The following SPOCK3 variants were observed in gnomAD, a reference collection of about 807,000 sequenced individuals.
The protein encoded by SPOCK3 is testican-3.
A neutral mutation model predicts 56.6 loss-of-function variants in SPOCK3; 30 were observed. That is an observed-to-expected ratio of 0.53 (90% confidence interval 0.40 to 0.72). The LOEUF (loss-of-function observed/expected upper bound fraction) is 0.72. Among genes scored for constraint, SPOCK3 ranks in the 30% least tolerant of loss-of-function variants. The probability of loss-of-function intolerance (pLI) is 0.00; values close to 1 mark genes in which losing one functional copy is unlikely to be tolerated. For missense variants in SPOCK3, 527 were observed against 530.0 expected (o/e 0.99, Z 0.06); for synonymous variants, 196 against 183.3 (o/e 1.07, Z -0.56).
chr4:166,976,056 T>G (rs1343158776), intron 4 of SPOCK3, among the ~76,000 whole-genome samples: 2 of 151,988 alleles, frequency 1.3e-5, no homozygotes, highest in Admixed American at 1.3e-4. Flanking sequence ...AATCTTGATC[T>G]TAATATGCCC....
chr4:166,840,779 T>G (rs1424247739), intron 6 of SPOCK3, among the ~76,000 whole-genome samples: 1 of 138,140 alleles, frequency 7.2e-6, no homozygotes, highest in African/African-American at 2.8e-5. Context: ...AAGTTTTTTT[T>G]TTTTTTTTTT....
intron 2 of SPOCK3, among the ~76,000 whole-genome samples, chr4:167,114,418 G>A (rs934990543): frequency 1.3e-5 from 2 of 152,140 alleles, no homozygotes; most frequent in Admixed American, 6.6e-5. Flanking sequence ...TTAGGACTGG[G>A]AGATGAAATT....
chr4:166,868,394 G>T (rs182296399), intron 6 of SPOCK3, among the ~76,000 whole-genome samples: 14 of 152,104 alleles, frequency 9.2e-5, no homozygotes, highest in Non-Finnish European at 1.9e-4. Context: ...CAGGAATAGA[G>T]GCTATGGTGA....
intron 3 of SPOCK3, among the ~76,000 whole-genome samples, chr4:167,036,776 CTAGGTTTTTATGGTT>C (rs570712763): frequency 1.8e-4 from 28 of 151,938 alleles, no homozygotes; most frequent in Admixed American, 1.2e-3. Context: ...ATACGACTCT[CTAGGTTTTTATGGTT>C]TATTTTTTTT....
chr4:166,904,919 T>A (rs1434877024), intron 5 of SPOCK3, among the ~76,000 whole-genome samples: 1 of 152,064 alleles, frequency 6.6e-6, no homozygotes, highest in Admixed American at 6.6e-5. Flanking sequence ...ATGTGATAAA[T>A]GCATCAGTTA....
intron 7 of SPOCK3, among the ~76,000 whole-genome samples, chr4:166,787,956 C>T (rs1023606648): frequency 5.3e-5 from 8 of 152,022 alleles, no homozygotes; most frequent in Non-Finnish European, 7.4e-5. Context: ...CTGAGGTGGG[C>T]GGATCACCTG....
chr4:167,030,787 T>C (rs917156536), intron 3 of SPOCK3, among the ~76,000 whole-genome samples: 22 of 152,102 alleles, frequency 1.4e-4, no homozygotes, highest in African/African-American at 4.1e-4. Context: ...CTTACTCATG[T>C]TTTCAAACAG....
chr4:166,841,187 A>G (rs1352117851), intron 6 of SPOCK3, among the ~76,000 whole-genome samples: 1 of 152,116 alleles, frequency 6.6e-6, no homozygotes, highest in African/African-American at 2.4e-5. Context: ...GACCGACATA[A>G]ACACGCTAGA....
chr4:167,001,360 T>G (rs1748936069), intron 3 of SPOCK3, among the ~76,000 whole-genome samples: 2 of 152,202 alleles, frequency 1.3e-5, no homozygotes, highest in African/African-American at 4.8e-5. Flanking sequence ...TTCTGGACAT[T>G]TTATATAAAT....
chr4:166,964,119 T>C (rs1179806054), intron 4 of SPOCK3, among the ~76,000 whole-genome samples: 1 of 151,650 alleles, frequency 6.6e-6, no homozygotes, highest in Non-Finnish European at 1.5e-5. Flanking sequence ...ATATACTAGA[T>C]GATCAATAAA....
chr4:166,883,436 A>G (rs1733875792), intron 6 of SPOCK3, among the ~76,000 whole-genome samples: 1 of 152,228 alleles, frequency 6.6e-6, no homozygotes, highest in Non-Finnish European at 1.5e-5. Context: ...CAAATAATAC[A>G]ATCAGTCTCA....
intron 2 of SPOCK3, among the ~76,000 whole-genome samples, chr4:167,090,514 T>G (rs1436027505): frequency 6.6e-6 from 1 of 152,162 alleles, no homozygotes; most frequent in Non-Finnish European, 1.5e-5. Context: ...ATTTATTTTT[T>G]TTTTTTGAGA....
intron 7 of SPOCK3, among the ~76,000 whole-genome samples, chr4:166,779,766 CA>C (rs918013622): frequency 1.3e-5 from 2 of 151,990 alleles, no homozygotes; most frequent in Non-Finnish European, 1.5e-5. Context: ...TAAAGATATG[CA>C]GGACTTTCCA....
chr4:167,217,479 T>A (rs938824475), intron 2 of SPOCK3, among the ~76,000 whole-genome samples: 1 of 152,080 alleles, frequency 6.6e-6, no homozygotes, highest in Non-Finnish European at 1.5e-5. Flanking sequence ...TATTGGAGAA[T>A]GAGTGTAGGT....
chr4:167,113,656 G>C (rs1247282705), intron 2 of SPOCK3, among the ~76,000 whole-genome samples: 1 of 152,152 alleles, frequency 6.6e-6, no homozygotes, highest in East Asian at 1.9e-4. Context: ...TACATGCCAA[G>C]TTTCAAGCAA....
intron 2 of SPOCK3, among the ~76,000 whole-genome samples, chr4:167,169,532 A>C (rs986071659): frequency 1.3e-5 from 2 of 152,110 alleles, no homozygotes; most frequent in African/African-American, 4.8e-5. Context: ...CAATGCCTAT[A>C]CCTCCATTGT....
At chr4:167,192,774 C>T (rs578117567) in intron 2 of SPOCK3, among the ~76,000 whole-genome samples, 1 of 145,764 alleles carries the variant, frequency 6.9e-6, no homozygotes, top group Admixed American at 7.1e-5. Context: ...TCTGCTGCCT[C>T]CCGTAACTTT....
intron 7 of SPOCK3, among the ~76,000 whole-genome samples, chr4:166,782,193 A>T (rs1740253267): frequency 6.6e-6 from 1 of 152,142 alleles, no homozygotes; most frequent in Non-Finnish European, 1.5e-5. Flanking sequence ...GTACTATCAA[A>T]CATGAGATCT....
intron 4 of SPOCK3, among the ~76,000 whole-genome samples, chr4:166,994,237 A>G (rs1274176761): frequency 6.6e-6 from 1 of 152,186 alleles, no homozygotes; most frequent in African/African-American, 2.4e-5. Context: ...AATGCCTATC[A>G]TGGATGAAGT....
Sources: allele counts gnomAD v4.1 joint callset (sites outside exome capture counted in the v4.1 genomes callset), GRCh38; gene constraint gnomAD v4.1.1; transcripts MANE v1.5; gene names NCBI Gene and HGNC (gene_info 2026-07-23, HGNC 2026-07-21).